The following FASN variants were observed in gnomAD, a reference collection of about 807,000 sequenced individuals.
FASN encodes 3-hydroxyacyl-[acyl-carrier-protein] dehydratase.
A neutral mutation model predicts 250.0 loss-of-function variants in FASN; 50 were observed. That is an observed-to-expected ratio of 0.20 (90% CI 0.16 to 0.25). The LOEUF (loss-of-function observed/expected upper bound fraction) is 0.25. FASN is among the 10% of genes least tolerant of loss of function. The pLI is 1.00. For synonymous variants in FASN, 1,909 were observed against 1,584.0 expected (o/e 1.21, Z -4.87); for missense variants, 3,031 against 3,498.5 (o/e 0.87, Z 3.37).
At chr17:82,091,141 G>C in intron 9 of FASN, 72 bp from the exon 10 acceptor site, 1 of 1,603,718 alleles carries the variant, frequency 6.2e-7, no homozygotes, top group South Asian at 1.1e-5. Flanking sequence ...GTCCCAGAGA[G>C]CACCTCAGGG....
chr17:82,082,731 T>C (rs4969465), intron 33 of FASN, 53 bp from the exon 34 acceptor site: 1,189,804 of 1,595,674 alleles, frequency 0.75, 449,276 homozygotes, highest in Non-Finnish European at 0.78. Flanking sequence ...GTCTCTTCCC[T>C]ACACGCCGGG....
Position 82,089,165 on chromosome 17 carries a change from C to G in FASN, c.2108G>C (p.Arg703Pro). The stretch of plus-strand genomic sequence containing the variant: ...GCGGGCTGAACGTGGCTTCGGCTCC[C>G]GGATCACCTGCATGAGGGGCCAGGT... The part of the protein sequence containing the change: ...PLLQELKKVI[R>P]EPKPRSARWL... The change falls in exon 14 of 43, where the codon CGG becomes CCG. Residue 703 changes from arginine to proline, a missense_variant. By Grantham distance (103) the Arg-to-Pro change is moderately radical. Coordinates refer to ENST00000306749, the MANE Select transcript of FASN (RefSeq NM_004104.5). 1 of 1,578,520 alleles carries G rather than the reference C, an allele frequency of 6.3e-7. No homozygotes were observed.
chr17:82,084,403 A>G lies in FASN; in HGVS notation c.4769-19T>C. 2.5e-6 allele frequency: 4 copies of G among 1,599,734 alleles called. No individual in the cohort carries two copies. Among genetic ancestry groups the G allele is most frequent in the Non-Finnish European group, 3.4e-6 (4 of 1,173,988 alleles). On this transcript the variant is annotated intron_variant, in intron 27 of 42. Coordinates refer to ENST00000306749, the MANE Select transcript of FASN (RefSeq NM_004104.5). ...CACTTCCCTGGGGGAGACGGCACTG[A>G]GCCCCTCACCGCCTGCCCTTCCCTC...
rs1416860240 is a variant in FASN at position 82,093,660 on chromosome 17, C to T, written c.392G>A (p.Ser131Asn). The change falls in exon 4 of 43, where the codon AGC becomes AAC. Residue 131 changes from serine to asparagine, a missense_variant. Coordinates refer to ENST00000306749, the MANE Select transcript of FASN (RefSeq NM_004104.5). ...SRDPETLVGY[S>N]MVGCQRAMMA... ...CATCGCTCGCTGGCAGCCCACCATG[C>T]TGTAGCCCACGAGTGTCTCGGGGTC... The T allele has an allele frequency of 6.2e-7, 1 of 1,612,804 alleles. No homozygotes were observed.
chr17:82,096,697 G>C (rs1360682031), intron 1 of FASN: 4 of 561,998 alleles, frequency 7.1e-6, no homozygotes, highest in Middle Eastern at 9.8e-4. Context: ...ATTCAGTTCA[G>C]GGTATTGGCT....
At chr17:82,096,142 C>T (rs1023423159) in intron 2 of FASN, among the ~76,000 whole-genome samples, 177 bp downstream of exon 2, 5 of 152,248 alleles carry the variant, frequency 3.3e-5, no homozygotes, top group Admixed American at 2.0e-4. Context: ...GTGCAATGTC[C>T]AGGAAGGAGG....
At chr17:82,090,736 C>T in intron 10 of FASN, 146 bp downstream of exon 10, 2 of 1,096,246 alleles carry the variant, frequency 1.8e-6, no homozygotes, top group Non-Finnish European at 2.7e-6. Context: ...GACCCCTCCT[C>T]CCCTCCCGTC....
At position 82,078,821 on chromosome 17, in the gene FASN, T is replaced by A. The variant is rs548589236; in HGVS notation, c.*322A>T. On this transcript the variant is annotated 3_prime_UTR_variant, in exon 43 of 43. Transcript: ENST00000306749. The surrounding 1 kb of genome is among the most constrained non-coding windows in gnomAD (Gnocchi z 5.4). ...GTCTCTACCAGCAATGCAATAAATA[T>A]GCAAATCCAAGCACAGAAAGACCAA... The A allele has an allele frequency of 2.5e-4, 115 of 458,608 alleles. No individual in the cohort carries two copies. The highest frequency in any genetic ancestry group is 2.2e-3 in the African/African-American group (111 of 50,440). The allele number at this position is 458,608 out of a possible 1,614,324, so 28.4% of individuals were successfully genotyped here.
chr17:82,082,803 G>A (rs1013269088), intron 33 of FASN, 111 bp downstream of exon 33: 15 of 1,545,678 alleles, frequency 9.7e-6, no homozygotes, highest in African/African-American at 2.7e-5. Flanking sequence ...GATGGAGGGG[G>A]ACAGACCCCA....
intron 11 of FASN, 72 bp downstream of exon 11, chr17:82,090,303 C>T: frequency 1.4e-6 from 2 of 1,439,666 alleles, no homozygotes; most frequent in East Asian, 2.5e-5. Context: ...GCCAGGGCTG[C>T]AGGTGAGGAC....
Position 82,082,935 on chromosome 17 carries a change from A to C in FASN, c.5746T>G (p.Ser1916Ala). The change falls in exon 33 of 43, where the codon TCT becomes GCT. Residue 1916 changes from serine to alanine, a missense_variant. Physicochemically the swap from Ser to Ala is moderately conservative, Grantham distance 99. Transcript: ENST00000306749. Reference protein sequence around the residue: ...QRGVQKLVLTSRSGIRTGYQA... With the variant: ...QRGVQKLVLTARSGIRTGYQA... ...TCACCTGTCCGGATCCCGGAGCGAG[A>C]AGTCAACACGAGCTTCTGCACCCCA... 1 of 1,612,714 alleles carries C rather than the reference A, an allele frequency of 6.2e-7. No homozygotes were observed. Among genetic ancestry groups the C allele is most frequent in the Non-Finnish European group, 8.5e-7 (1 of 1,179,954 alleles).
At chr17:82,079,736 G>A in intron 41 of FASN, 128 bp from the exon 42 acceptor site, 1 of 1,330,236 alleles carries the variant, frequency 7.5e-7, no homozygotes, top group Non-Finnish European at 1.0e-6. Context: ...AGATGGAGTG[G>A]GGCGATCTCA....
In FASN at chr17:82,091,468, G is replaced by T. The variant is rs1404280709; in HGVS notation, c.1246C>A (p.Pro416Thr). ...AGCAGACGGGGCAGGGTGGCATGTG[G>T]GGCGGGTGCGGGGGGCGGCTGCGTG... is the stretch of plus-strand genomic sequence containing the variant. ...PNTQPPPAPA[P>T]HATLPRLLRA... The change falls in exon 9 of 43, where the codon CCA (proline) becomes ACA (threonine). Residue 416 changes from proline (P) to threonine (T), a missense_variant. Physicochemically the swap from Pro to Thr is conservative, Grantham distance 38. Transcript: ENST00000306749. 1.2e-6 allele frequency: 2 copies of T among 1,605,668 alleles called. No homozygotes were observed. Among genetic ancestry groups the T allele is most frequent in the South Asian group, 2.2e-5 (2 of 90,252 alleles).
Position 82,093,210 on chromosome 17 carries a change from C to T in FASN, c.655+9G>A, listed in dbSNP as rs2144807567. On this transcript the variant is annotated intron_variant, in intron 5 of 42. Coordinates refer to ENST00000306749, the MANE Select transcript of FASN (RefSeq NM_004104.5). ...CCCGCCTGCCCTGGCCGCGCAGCCG[C>T]ACACTCACCCGCTGTGTCGAAGGCC... 1 of 1,571,268 alleles carries T rather than the reference C, an allele frequency of 6.4e-7. No homozygotes were observed. The highest frequency in any genetic ancestry group is 8.6e-7 in the Non-Finnish European group (1 of 1,159,226).
At position 82,086,563 on chromosome 17, in the gene FASN, G is replaced by A. The variant is rs765039590; in HGVS notation, c.3428-5C>T. ...TCTGCAGTGCCTGCACCAGCCCTGG[G>A]GAGGGAGGGAGGCAGGCCTGGTGTT... is the stretch of plus-strand genomic sequence containing the variant. On this transcript the variant is annotated splice_polypyrimidine_tract_variant and splice_region_variant and intron_variant, in intron 21 of 42. Coordinates refer to ENST00000306749, the MANE Select transcript of FASN (RefSeq NM_004104.5). 1.9e-6 allele frequency: 3 copies of A among 1,603,670 alleles called. No individual in the cohort carries two copies. The highest frequency in any genetic ancestry group is 1.7e-6 in the Non-Finnish European group (2 of 1,173,974).
rs1474273312 is a variant in FASN at position 82,088,418 on chromosome 17, A to T, written c.2565T>A (p.Gly855=). The stretch of plus-strand genomic sequence containing the variant: ...TGTTGTAGATGGCGGCTGAGGGGGA[A>T]CCTGAACCGTTGGGGAAGTCCTCGG... ...PAAEDFPNGS[G]SPSAAIYNID... The change falls in exon 16 of 43, where the codon GGT becomes GGA. Residue 855 remains glycine, a synonymous_variant. Coordinates refer to ENST00000306749, the MANE Select transcript of FASN (RefSeq NM_004104.5). The T allele has an allele frequency of 6.2e-7, 1 of 1,611,950 alleles. No homozygotes were observed. The highest frequency in any genetic ancestry group is 2.2e-5 in the East Asian group (1 of 44,856).
At position 82,084,250 on chromosome 17, in the gene FASN, C is replaced by T. The variant is rs780442372; in HGVS notation, c.4903G>A (p.Asp1635Asn). Residue 1635 changes from aspartate (D) to asparagine (N), a missense_variant, in exon 28 of 43, where the codon GAT becomes AAT. Transcript: ENST00000306749. ...SVLLSPDFLWDVPSNWTLEEA... is the reference protein window; with the variant it reads ...SVLLSPDFLWNVPSNWTLEEA... ...CACACTCACCAGTTGGAAGGCACAT[C>T]CCAGAGGAAGTCCGGTGACAGCAGG... 4 of 1,612,078 alleles carry T rather than the reference C, an allele frequency of 2.5e-6. No individual in the cohort carries two copies. In the Admixed American group the frequency reaches 6.7e-5, roughly 27 times the overall value.
At chr17:82,087,933 C>T (rs748963018) in intron 18 of FASN, 21 bp downstream of exon 18, 10 of 1,612,276 alleles carry the variant, frequency 6.2e-6, no homozygotes, top group Non-Finnish European at 8.5e-6. Context: ...CCGCAGCTCC[C>T]GTGCCACCGG....
At position 82,091,433 on chromosome 17, in the gene FASN, G is replaced by C; in HGVS notation, c.1281C>G (p.Ser427Arg). The C allele has an allele frequency of 6.2e-7, 1 of 1,607,684 alleles. No homozygotes were observed. Among genetic ancestry groups the C allele is most frequent in the Non-Finnish European group, 8.5e-7 (1 of 1,177,678 alleles). Residue 427 changes from serine (S) to arginine (R), a missense_variant, in exon 9 of 43, where the codon AGC becomes AGG. By Grantham distance (110) the Ser-to-Arg change is moderately radical. Transcript: ENST00000306749. ...TCTGCACGGCCTCAGGGGTGCGTCC[G>C]CTGGCCCGCAGCAGACGGGGCAGGG... ...HATLPRLLRA[S>R]GRTPEAVQKL...
Sources: gnomAD v4.1 joint callset for allele counts (sites outside exome capture counted in the v4.1 genomes callset) on GRCh38, gnomAD v4.1.1 for gene constraint, Gnocchi (gnomAD v3.1) non-coding constraint, MANE v1.5 for transcripts, NCBI Gene and HGNC (gene_info 2026-07-23, HGNC 2026-07-21) for gene names.